Variants in KCND2 observed in about 807,000 individuals in gnomAD.
The protein encoded by KCND2 is A-type voltage-gated potassium channel KCND2.
A neutral mutation model predicts 54.4 loss-of-function variants in KCND2; 16 were observed. The ratio of observed to expected loss-of-function variants is 0.29; its 90% CI spans 0.20 to 0.45. The LOEUF is 0.45. Ranked by LOEUF, KCND2 falls within the 20% of genes least tolerant of loss-of-function variation. KCND2 has a pLI of 1.00. For missense variants in KCND2, 486 were observed against 824.2 expected (o/e 0.59, Z 5.02); for synonymous variants, 317 against 310.7 (o/e 1.02, Z -0.21).
chr7:120,613,192 C>T lies in KCND2; in HGVS notation c.1116-119711C>T, dbSNP rs184488952. ...TATAGAAACTCAAAAGATCGGTTTTCGTAACTCTCTGCTTGCAGATAGTTG... is the reference window on the plus strand; with the variant it reads ...TATAGAAACTCAAAAGATCGGTTTTTGTAACTCTCTGCTTGCAGATAGTTG... On this transcript the variant is annotated intron_variant, in intron 1 of 5. Coordinates refer to ENST00000331113, the MANE Select transcript of KCND2 (RefSeq NM_012281.3). 5.4e-3 allele frequency among the ~76,000 whole-genome samples: 821 copies of T among 151,728 alleles called. 3 individuals carry two copies. Among genetic ancestry groups the T allele is most frequent in the Admixed American group, 8.5e-3 (129 of 15,226 alleles).
intron 1 of KCND2, among the ~76,000 whole-genome samples, chr7:120,412,201 C>G (rs1043658587): frequency 6.6e-6 from 1 of 151,994 alleles, no homozygotes; most frequent in Admixed American, 6.6e-5. Flanking sequence ...TGAGAAGTTA[C>G]ACATTTAAAT....
intron 1 of KCND2, among the ~76,000 whole-genome samples, chr7:120,616,948 C>T (rs1213378327): frequency 6.6e-6 from 1 of 152,150 alleles, no homozygotes; most frequent in Non-Finnish European, 1.5e-5. Context: ...GCACAACAGA[C>T]ACATTAGCAC....
intron 1 of KCND2, among the ~76,000 whole-genome samples, chr7:120,662,556 G>A (rs1044106446): frequency 9.2e-5 from 14 of 152,144 alleles, no homozygotes; most frequent in African/African-American, 3.4e-4. Context: ...AACATAAAAT[G>A]TGTGTGCTAT....
chr7:120,587,641 A>G (rs1449960040), intron 1 of KCND2, among the ~76,000 whole-genome samples: 3 of 152,158 alleles, frequency 2.0e-5, no homozygotes, highest in Admixed American at 2.0e-4. Context: ...CTTTTGTAAC[A>G]TCAGTCACTC....
chr7:120,427,950 C>T (rs1257774808), intron 1 of KCND2, among the ~76,000 whole-genome samples: 1 of 151,994 alleles, frequency 6.6e-6, no homozygotes, highest in African/African-American at 2.4e-5. Flanking sequence ...CAATAGGGTA[C>T]ATATATAGAG....
chr7:120,711,764 C>T (rs1350870341), intron 1 of KCND2, among the ~76,000 whole-genome samples: 2 of 152,078 alleles, frequency 1.3e-5, no homozygotes, highest in African/African-American at 2.4e-5. Flanking sequence ...TTCTGAGCAA[C>T]AGCAGTTCAA....
intron 1 of KCND2, among the ~76,000 whole-genome samples, chr7:120,632,068 T>C (rs977121291): frequency 3.9e-5 from 6 of 152,142 alleles, no homozygotes; most frequent in Non-Finnish European, 7.4e-5. Context: ...GATAAATGGA[T>C]TTCTATATAT....
intron 1 of KCND2, among the ~76,000 whole-genome samples, chr7:120,695,174 A>G (rs1209068319): frequency 6.6e-6 from 1 of 151,548 alleles, no homozygotes; most frequent in Non-Finnish European, 1.5e-5. Flanking sequence ...AAAAAAGCTC[A>G]GTTCAAACTG....
intron 1 of KCND2, among the ~76,000 whole-genome samples, chr7:120,355,341 C>A (rs2402527): frequency 0.68 from 103,400 of 152,016 alleles, 38,947 homozygotes; most frequent in South Asian, 0.9. Flanking sequence ...GAAGTCAGGA[C>A]TTCAAGACTA....
intron 1 of KCND2, among the ~76,000 whole-genome samples, chr7:120,708,632 ATGTCT>A (rs1792499671): frequency 6.6e-6 from 1 of 152,082 alleles, no homozygotes; most frequent in Non-Finnish European, 1.5e-5. Flanking sequence ...ATTTTCATAG[ATGTCT>A]TGTGAGACAG....
At chr7:120,668,688 T>C (rs1314652055) in intron 1 of KCND2, among the ~76,000 whole-genome samples, 2 of 152,050 alleles carry the variant, frequency 1.3e-5, no homozygotes, top group Non-Finnish European at 2.9e-5. Flanking sequence ...TTTGATAGTA[T>C]ATGACTCGAG....
At chr7:120,664,691 C>G (rs1050647074) in intron 1 of KCND2, among the ~76,000 whole-genome samples, 1 of 151,936 alleles carries the variant, frequency 6.6e-6, no homozygotes, top group Non-Finnish European at 1.5e-5. Context: ...ATTATGTTGG[C>G]GAGAAAACAG....
intron 1 of KCND2, among the ~76,000 whole-genome samples, chr7:120,608,186 G>C (rs1792907674): frequency 6.6e-6 from 1 of 151,994 alleles, no homozygotes; most frequent in Non-Finnish European, 1.5e-5. Flanking sequence ...ATTATAAAAA[G>C]ATGGGAAAAT....
chr7:120,350,578 T>C (rs549998954), intron 1 of KCND2, among the ~76,000 whole-genome samples: 5 of 152,318 alleles, frequency 3.3e-5, no homozygotes, highest in African/African-American at 1.2e-4. Flanking sequence ...ATAATAAAGA[T>C]GGAAAAGTTG....
At chr7:120,352,387 A>AATACATACATATGTATGTAT (rs1322428908) in intron 1 of KCND2, among the ~76,000 whole-genome samples, 3 of 150,848 alleles carry the variant, frequency 2.0e-5, no homozygotes, top group Admixed American at 6.6e-5. Context: ...CATATATATG[A>AATACATACATATGTATGTAT]ATACATACAT....
At chr7:120,405,692 G>T (rs1801342111) in intron 1 of KCND2, among the ~76,000 whole-genome samples, 3 of 151,994 alleles carry the variant, frequency 2.0e-5, no homozygotes. Flanking sequence ...AAAATTAAGA[G>T]AACAGATATT....
At chr7:120,278,087 A>T (rs1472233665) in intron 1 of KCND2, among the ~76,000 whole-genome samples, 4 of 152,022 alleles carry the variant, frequency 2.6e-5, no homozygotes, top group Non-Finnish European at 4.4e-5. Context: ...AATCAAAATG[A>T]GAACATATAT....
intron 1 of KCND2, among the ~76,000 whole-genome samples, chr7:120,511,805 A>G (rs933075367): frequency 4.6e-5 from 7 of 152,164 alleles, no homozygotes; most frequent in Non-Finnish European, 8.8e-5. Flanking sequence ...TTAGAGTTAT[A>G]TAGAAATATT....
chr7:120,402,187 C>CATTG lies in KCND2; in HGVS notation c.1115+126441_1115+126444dup, dbSNP rs1290828178. On this transcript the variant is annotated intron_variant, in intron 1 of 5. Transcript: ENST00000331113. ...CATTTATAGAATAGTTATAGCTTCC[C>CATTG]ATTGGCTCTGTGCTCCCATTTACTC... is the stretch of plus-strand genomic sequence containing the variant. Among the ~76,000 whole-genome samples the CATTG allele has an allele frequency of 2.6e-5, 4 of 152,200 alleles. No individual in the cohort carries two copies. The East Asian group carries it at 7.7e-4, about 29-fold the overall frequency.
Sources: allele counts gnomAD v4.1 joint callset (sites outside exome capture counted in the v4.1 genomes callset), GRCh38; gene constraint gnomAD v4.1.1; transcripts MANE v1.5; gene names NCBI Gene and HGNC (gene_info 2026-07-23, HGNC 2026-07-21).